Variants in RBCK1 observed in about 807,000 individuals in gnomAD.
RBCK1 encodes ranBP-type and C3HC4-type zinc finger-containing protein 1.
In RBCK1, 44 loss-of-function variants were observed where a neutral mutation model predicts 71.1. That is an observed-to-expected ratio of 0.62 (90% CI 0.49 to 0.80). RBCK1 has a LOEUF of 0.80. RBCK1 is among the 30% of genes least tolerant of loss of function. The pLI is 0.00. For missense variants in RBCK1, 569 were observed against 685.0 expected, an observed-to-expected ratio of 0.83 and a Z score of 1.89; for synonymous variants, 306 against 279.7, an observed-to-expected ratio of 1.09 and a Z score of -0.94.
At position 428,939 on chromosome 20, in the gene RBCK1, G is replaced by C. The variant is rs2122337376; in HGVS notation, c.1309-12G>C. ...CAGCCCCGCCCCAGGGCCAGCACCT[G>C]CCCCACTCCAGGTGATGCTGCAGCA... On this transcript the variant is annotated splice_polypyrimidine_tract_variant and intron_variant, in intron 10 of 11. Coordinates refer to ENST00000356286, the MANE Select transcript of RBCK1 (RefSeq NM_031229.4). This position sits in a 1 kb window ranked among gnomAD's most constrained non-coding sequence, Gnocchi z 5.7. 1 of 1,602,244 alleles carries C rather than the reference G, an allele frequency of 6.2e-7. No individual in the cohort carries two copies. The highest frequency in any genetic ancestry group is 2.2e-5 in the East Asian group (1 of 44,820).
Position 430,511 on chromosome 20 carries a change from G to A in RBCK1, c.*81G>A, listed in dbSNP as rs143258235. ...ATGTAGCTCAGGGAGCTTCGTGGAC[G>A]GCCTTGCTTGCTGTAGCGTTGTAGG... On this transcript the variant is annotated 3_prime_UTR_variant, in exon 12 of 12. Coordinates refer to ENST00000356286, the MANE Select transcript of RBCK1 (RefSeq NM_031229.4). The surrounding 1 kb of genome is among the most constrained non-coding windows in gnomAD (Gnocchi z 5.6). 3.7e-3 allele frequency: 5,208 copies of A among 1,424,504 alleles called. 15 individuals carry two copies. The highest frequency in any genetic ancestry group is 4.5e-3 in the Non-Finnish European group (4,581 of 1,015,362). 88.2% of individuals were successfully genotyped at this position (1,424,504 alleles called of 1,614,324 possible).
intron 4 of RBCK1, among the ~76,000 whole-genome samples, chr20:418,157 A>G (rs945956100): frequency 7.9e-5 from 12 of 152,220 alleles, no homozygotes; most frequent in African/African-American, 2.9e-4. Flanking sequence ...AGGCTCCGGC[A>G]TTCCCAGCTG....
At chr20:412,351 C>T (rs958958835) in intron 2 of RBCK1, among the ~76,000 whole-genome samples, 7 of 150,008 alleles carry the variant, frequency 4.7e-5, no homozygotes, top group African/African-American at 7.4e-5. Context: ...GATGGAGTCT[C>T]GCTCTGTCAC....
At chr20:418,587 CT>C (rs2016158975) in intron 4 of RBCK1, among the ~76,000 whole-genome samples, 1 of 152,138 alleles carries the variant, frequency 6.6e-6, no homozygotes, top group African/African-American at 2.4e-5. Flanking sequence ...CCAGGATGGT[CT>C]CGATCTCCTG....
At chr20:423,876 T>C (rs2016569226) in intron 8 of RBCK1, among the ~76,000 whole-genome samples, 1 of 152,156 alleles carries the variant, frequency 6.6e-6, no homozygotes, top group Non-Finnish European at 1.5e-5. Flanking sequence ...CTGGGATGAC[T>C]GGGGCCTCCT....
chr20:410,495 C>T (rs895883551), intron 2 of RBCK1: 1 of 779,810 alleles, frequency 1.3e-6, no homozygotes, highest in Admixed American at 1.7e-5. Flanking sequence ...CCCCTCCACA[C>T]TCTTCTAAAG....
Position 428,769 on chromosome 20 carries a change from G to C in RBCK1, c.1308+180G>C. ...AATGGTCATGTCAGGAAGAGCGTCT[G>C]GGTGGAGGGTGGAGACCACAGGAAT... is the stretch of plus-strand genomic sequence containing the variant. On this transcript the variant is annotated intron_variant, in intron 10 of 11. Coordinates refer to ENST00000356286, the MANE Select transcript of RBCK1 (RefSeq NM_031229.4). The surrounding 1 kb of genome is among the most constrained non-coding windows in gnomAD (Gnocchi z 5.7). The C allele has an allele frequency of 7.1e-7, 1 of 1,413,156 alleles. No individual in the cohort carries two copies. The highest frequency in any genetic ancestry group is 9.3e-7 in the Non-Finnish European group (1 of 1,075,674). 87.5% of individuals were successfully genotyped at this position (1,413,156 alleles called of 1,614,324 possible). A position where few individuals can be genotyped will look rare whatever the true frequency, so the allele number is the denominator to read the frequency against.
At chr20:411,843 A>G (rs190439659) in intron 2 of RBCK1, among the ~76,000 whole-genome samples, 221 of 152,348 alleles carry the variant, frequency 1.5e-3, no homozygotes, top group African/African-American at 5.0e-3. Context: ...CCAAATAATA[A>G]TCTATTGTAT....
In RBCK1 at chr20:420,167, A is replaced by G. The variant is rs2016296684; in HGVS notation, c.756+436A>G. ...CCGTGACCTCACCCTGGACTCTCCT[A>G]CTCCTGACCTCTTCCCTCTCGGGCT... On this transcript the variant is annotated intron_variant, in intron 6 of 11. Coordinates refer to ENST00000356286, the MANE Select transcript of RBCK1 (RefSeq NM_031229.4). The G allele has an allele frequency of 6.1e-6, 6 of 982,452 alleles. No individual in the cohort carries two copies. The South Asian group carries it at 2.8e-4, about 47-fold the overall frequency. The allele number at this position is 982,452 out of a possible 1,614,324, so 60.9% of individuals were successfully genotyped here.
chr20:408,773 A>G lies in RBCK1; in HGVS notation c.16A>G (p.Lys6Glu). 1 of 1,611,882 alleles carries G rather than the reference A, an allele frequency of 6.2e-7. No homozygotes were observed. The highest frequency in any genetic ancestry group is 8.5e-7 in the Non-Finnish European group (1 of 1,179,220). Residue 6 changes from lysine (K) to glutamate (E), a missense_variant, in exon 1 of 12, where the codon AAG (lysine) becomes GAG (glutamate). By Grantham distance (56) the Lys-to-Glu change is moderately conservative. Coordinates refer to ENST00000356286, the MANE Select transcript of RBCK1 (RefSeq NM_031229.4). ...GCCACGCCAGATGGACGAGAAGACC[A>G]AGAAAGGTGGGCACAGGCTGGAGGT... MDEKT[K>E]KAEEMALSLT...
chr20:423,736 A>G (rs2016561139), intron 8 of RBCK1, among the ~76,000 whole-genome samples: 1 of 152,128 alleles, frequency 6.6e-6, no homozygotes, highest in Non-Finnish European at 1.5e-5. Flanking sequence ...ATACCGAGGG[A>G]TGACTATAAT....
intron 2 of RBCK1, among the ~76,000 whole-genome samples, chr20:413,595 A>C (rs551016864): frequency 1.3e-5 from 2 of 152,238 alleles, no homozygotes; most frequent in African/African-American, 4.8e-5. Flanking sequence ...TTTCCTTTGT[A>C]AAATGTACAA....
In RBCK1 at chr20:430,199, C is replaced by G. The variant is rs1012574395; in HGVS notation, c.1453-151C>G. 1 of 661,832 alleles carries G rather than the reference C, an allele frequency of 1.5e-6. No homozygotes were observed. The highest frequency in any genetic ancestry group is 1.8e-5 in the African/African-American group (1 of 55,388). 41.0% of individuals were successfully genotyped at this position (661,832 alleles called of 1,614,324 possible). A position where few individuals can be genotyped will look rare whatever the true frequency, so the allele number is the denominator to read the frequency against. ...AGTGCTGTGGGAGCCCAGAAAAGGC[C>G]TCAGTGACTCTCCATCAGGTAGCTG... On this transcript the variant is annotated intron_variant, in intron 11 of 11. Coordinates refer to ENST00000356286, the MANE Select transcript of RBCK1 (RefSeq NM_031229.4). This position sits in a 1 kb window ranked among gnomAD's most constrained non-coding sequence, Gnocchi z 5.6.
At position 431,961 on chromosome 20, in the gene RBCK1, C is replaced by T. The variant is rs1284218034; in HGVS notation, c.*1531C>T. On this transcript the variant is annotated 3_prime_UTR_variant, in exon 12 of 12. Coordinates refer to ENST00000356286, the MANE Select transcript of RBCK1 (RefSeq NM_031229.4). This position sits in a 1 kb window ranked among gnomAD's most constrained non-coding sequence, Gnocchi z 4.8. ...TCTCCCCTCTCTTGCCAGGGCCTGG[C>T]CTGGTGTCTCTCAGGAGCCTGGGCA... Among the ~76,000 whole-genome samples the T allele has an allele frequency of 6.6e-6, 1 of 152,192 alleles. No individual in the cohort carries two copies. Among genetic ancestry groups the T allele is most frequent in the East Asian group, 1.9e-4 (1 of 5,194 alleles).
intron 8 of RBCK1, among the ~76,000 whole-genome samples, chr20:425,074 G>T (rs188217988): frequency 5.9e-5 from 9 of 151,700 alleles, no homozygotes; most frequent in Non-Finnish European, 1.3e-4. Flanking sequence ...GCAATGGCGC[G>T]ATCTCAGCCC....
intron 4 of RBCK1, among the ~76,000 whole-genome samples, chr20:418,596 C>G: frequency 6.6e-6 from 1 of 152,124 alleles, no homozygotes; most frequent in Non-Finnish European, 1.5e-5. Flanking sequence ...TCTCGATCTC[C>G]TGACTTTGTG....
chr20:431,854 G>A lies in RBCK1; in HGVS notation c.*1424G>A, dbSNP rs1250201554. Among the ~76,000 whole-genome samples, 2 of 152,230 alleles carry A rather than the reference G, an allele frequency of 1.3e-5. No homozygotes were observed. The highest frequency in any genetic ancestry group is 1.3e-4 in the Admixed American group (2 of 15,282). On this transcript the variant is annotated 3_prime_UTR_variant, in exon 12 of 12. Coordinates refer to ENST00000356286, the MANE Select transcript of RBCK1 (RefSeq NM_031229.4). The surrounding 1 kb of genome is among the most constrained non-coding windows in gnomAD (Gnocchi z 4.8). ...AGGCCCAGGCAGAACCACTGACTGG[G>A]AGGAAACAGAAAAAGCAGAGGAGAG...
Position 419,666 on chromosome 20 carries a change from C to G in RBCK1, c.691C>G (p.Gln231Glu), listed in dbSNP as rs913331813. The change falls in exon 6 of 12, where the codon CAG becomes GAG. Residue 231 changes from glutamine (Q) to glutamate (E), a missense_variant. By Grantham distance (29) the Gln-to-Glu change is conservative. Coordinates refer to ENST00000356286, the MANE Select transcript of RBCK1 (RefSeq NM_031229.4). ...PEAYQVPASY[Q>E]PDEEERARLA... ...GGCCTACCAGGTCCCCGCCTCATAC[C>G]AGCCCGACGAGGAGGAGCGAGCGCG... The G allele has an allele frequency of 3.2e-6, 5 of 1,582,328 alleles. No homozygotes were observed. Among genetic ancestry groups the G allele is most frequent in the Non-Finnish European group, 4.3e-6 (5 of 1,166,918 alleles).
At chr20:413,232 C>T (rs544159284) in intron 2 of RBCK1, among the ~76,000 whole-genome samples, 1 of 151,742 alleles carries the variant, frequency 6.6e-6, no homozygotes, top group Non-Finnish European at 1.5e-5. Context: ...AACTTTTGTT[C>T]TTTTTCAATA....
Sources: allele counts gnomAD v4.1 joint callset (sites outside exome capture counted in the v4.1 genomes callset), GRCh38; gene constraint gnomAD v4.1.1; non-coding constraint Gnocchi (gnomAD v3.1); transcripts MANE v1.5; gene names NCBI Gene and HGNC (gene_info 2026-07-23, HGNC 2026-07-21).